RBFOX1: variants seen among roughly 807,000 people sequenced by gnomAD.
The protein encoded by RBFOX1 is RNA binding fox-1 homolog 1, also known as RNA binding protein fox-1 homolog 1.
Under a neutral mutation model 57.7 loss-of-function variants are expected in RBFOX1, and 8 were observed. The ratio of observed to expected loss-of-function variants is 0.14; its 90% CI spans 0.08 to 0.25. The LOEUF is 0.25. RBFOX1 is among the 10% of genes least tolerant of loss of function. The pLI is 1.00. For synonymous variants in RBFOX1, 326 were observed against 222.4 expected, an observed-to-expected ratio of 1.47 and a Z score of -4.15; for missense variants, 611 against 548.5, an observed-to-expected ratio of 1.11 and a Z score of -1.14.
chr16:5,516,246 A>G (rs1243105856), intron 2 of RBFOX1, among the ~76,000 whole-genome samples: 1 of 152,152 alleles, frequency 6.6e-6, no homozygotes, highest in Non-Finnish European at 1.5e-5. Flanking sequence ...CCTGTCTCCC[A>G]TCACTTTCTG....
intron 1 of RBFOX1, among the ~76,000 whole-genome samples, chr16:5,335,553 G>T (rs931197247): frequency 1.3e-5 from 2 of 152,110 alleles, no homozygotes; most frequent in Non-Finnish European, 2.9e-5. Flanking sequence ...CGTCACTGGG[G>T]GATTAGGGGA....
intron 10 of RBFOX1, among the ~76,000 whole-genome samples, chr16:7,616,063 G>A (rs1449331701): frequency 1.3e-5 from 2 of 152,176 alleles, no homozygotes; most frequent in East Asian, 3.9e-4. Context: ...TACTCCAGAA[G>A]GGAAAAGCAT....
intron 1 of RBFOX1, among the ~76,000 whole-genome samples, chr16:6,177,800 A>C (rs2097024675): frequency 6.6e-6 from 1 of 152,006 alleles, no homozygotes; most frequent in East Asian, 1.9e-4. Flanking sequence ...CATTGTGGAC[A>C]CTGCTCACAG....
intron 2 of RBFOX1, among the ~76,000 whole-genome samples, chr16:6,578,779 G>T (rs1262552091): frequency 1.3e-5 from 2 of 152,000 alleles, no homozygotes; most frequent in Non-Finnish European, 2.9e-5. Flanking sequence ...AGATAAAAAT[G>T]TATTTATTAA....
intron 2 of RBFOX1, among the ~76,000 whole-genome samples, chr16:6,527,931 T>G (rs2096603845): frequency 6.6e-6 from 1 of 152,130 alleles, no homozygotes; most frequent in Non-Finnish European, 1.5e-5. Context: ...TCTTCCTTTG[T>G]TGTCCCTTTT....
At chr16:5,856,266 T>TAC (rs2057050969) in intron 3 of RBFOX1, among the ~76,000 whole-genome samples, 1 of 43,536 alleles carries the variant, frequency 2.3e-5, no homozygotes, top group Admixed American at 3.7e-4. Context: ...TATATGTATA[T>TAC]ATATATACAC....
intron 3 of RBFOX1, among the ~76,000 whole-genome samples, chr16:5,716,689 CT>C (rs573073085): frequency 6.6e-6 from 1 of 152,226 alleles, no homozygotes; most frequent in Admixed American, 6.5e-5. Flanking sequence ...ACCACTCTGT[CT>C]TTAAAAAGAG....
intron 4 of RBFOX1, among the ~76,000 whole-genome samples, chr16:7,204,360 G>A (rs1045744594): frequency 2.6e-5 from 4 of 152,230 alleles, no homozygotes; most frequent in East Asian, 1.9e-4. Context: ...ATAAGTTCCT[G>A]GTCAGGTGTA....
intron 1 of RBFOX1, among the ~76,000 whole-genome samples, chr16:6,065,245 G>A (rs58352128): frequency 0.38 from 56,903 of 148,162 alleles, 11,991 homozygotes; most frequent in East Asian, 0.53. Context: ...GTGTTGCCAC[G>A]GCTGGTCTCA....
chr16:6,967,233 A>G (rs2084464820), intron 3 of RBFOX1, among the ~76,000 whole-genome samples: 2 of 152,062 alleles, frequency 1.3e-5, no homozygotes, highest in Non-Finnish European at 2.9e-5. Context: ...CCATTTGTTT[A>G]TACATTCATC....
chr16:6,878,145 T>C lies in RBFOX1; in HGVS notation c.-15-173912T>C, dbSNP rs149619411. Among the ~76,000 whole-genome samples, 53 of 152,260 alleles carry C rather than the reference T, an allele frequency of 3.5e-4. No homozygotes were observed. The East Asian group carries it at 9.9e-3, about 28-fold the overall frequency. On this transcript the variant is annotated intron_variant, in intron 3 of 15. Transcript: ENST00000550418. ...TCTAAGAGAAGTGATAGCTAATGTTTGTGTTGCTACAATGTAAATACTTCC... is the reference window on the plus strand; with the variant it reads ...TCTAAGAGAAGTGATAGCTAATGTTCGTGTTGCTACAATGTAAATACTTCC...
At position 7,333,055 on chromosome 16, in the gene RBFOX1, A is replaced by G. The variant is rs770264923; in HGVS notation, c.28-185092A>G. ...ATCCTTATGGCGTGCCTATGATTGT[A>G]CCGGCAGCTCCTTACCTTCCTGGAC... On this transcript the variant is annotated intron_variant, in intron 4 of 15. Transcript: ENST00000550418. The G allele has an allele frequency of 2.5e-6, 4 of 1,613,906 alleles. No homozygotes were observed. Among genetic ancestry groups the G allele is most frequent in the Admixed American group, 1.7e-5 (1 of 60,002 alleles).
chr16:6,002,920 C>T (rs1398869075), intron 4 of RBFOX1, among the ~76,000 whole-genome samples: 1 of 152,090 alleles, frequency 6.6e-6, no homozygotes, highest in Admixed American at 6.5e-5. Context: ...TGTTCTCTGC[C>T]CTTCATCAAC....
chr16:7,621,337 T>C (rs910946371), intron 10 of RBFOX1, among the ~76,000 whole-genome samples: 2 of 152,146 alleles, frequency 1.3e-5, no homozygotes, highest in Admixed American at 1.3e-4. Context: ...CTCAGTTCAT[T>C]GCAACCTCTG....
intron 4 of RBFOX1, among the ~76,000 whole-genome samples, chr16:7,280,849 G>C (rs1001825907): frequency 2.6e-5 from 4 of 151,958 alleles, no homozygotes; most frequent in African/African-American, 9.7e-5. Context: ...ATCACCCACT[G>C]CTTGAGAACC....
At chr16:5,597,588 C>T (rs11076946) in intron 2 of RBFOX1, among the ~76,000 whole-genome samples, 32,128 of 151,634 alleles carry the variant, frequency 0.21, 3,518 homozygotes, top group African/African-American at 0.23. Context: ...TTAGTAGAGA[C>T]GGTGTTTCAC....
chr16:5,931,111 C>T (rs1359034861), intron 4 of RBFOX1, among the ~76,000 whole-genome samples: 1 of 152,154 alleles, frequency 6.6e-6, no homozygotes, highest in Non-Finnish European at 1.5e-5. Flanking sequence ...TTAGTACCCA[C>T]CTCTTGCTCT....
intron 3 of RBFOX1, among the ~76,000 whole-genome samples, chr16:6,831,170 T>A (rs1280482462): frequency 2.6e-5 from 4 of 152,192 alleles, no homozygotes; most frequent in Non-Finnish European, 4.4e-5. Context: ...TTCATTAGCA[T>A]ATTTGGAGGT....
rs1055588124 is a variant in RBFOX1 at position 6,718,764 on chromosome 16, G to A, written c.-16+64114G>A. Among the ~76,000 whole-genome samples the A allele has an allele frequency of 2.6e-5, 4 of 152,134 alleles. No individual in the cohort carries two copies. The East Asian group carries it at 7.7e-4, about 29-fold the overall frequency. On this transcript the variant is annotated intron_variant, in intron 3 of 15. Coordinates refer to ENST00000550418, the MANE Select transcript of RBFOX1 (RefSeq NM_018723.4). ...CCATAGTAACAGCAAAATCCCAAAT[G>A]AGTTAAACTCACAACTAGGTTGACT...
Sources: gnomAD v4.1 joint callset for allele counts (sites outside exome capture counted in the v4.1 genomes callset) on GRCh38, gnomAD v4.1.1 for gene constraint, MANE v1.5 for transcripts, NCBI Gene and HGNC (gene_info 2026-07-23, HGNC 2026-07-21) for gene names.